CEP85: variants seen among roughly 807,000 people sequenced by gnomAD.
CEP85 encodes the protein centrosomal protein of 85 kDa.
Under a neutral mutation model 93.7 loss-of-function variants are expected in CEP85, and 58 were observed. The observed-to-expected ratio is 0.62, with a 90% CI of 0.50 to 0.77. CEP85 has a LOEUF of 0.77. Among genes scored for constraint, CEP85 ranks in the 30% least tolerant of loss-of-function variants. CEP85 has a pLI of 0.00. For missense variants in CEP85, 868 were observed against 922.0 expected, an observed-to-expected ratio of 0.94 and a Z score of 0.76; for synonymous variants, 314 against 338.6, an observed-to-expected ratio of 0.93 and a Z score of 0.80.
Position 26,262,238 on chromosome 1 carries a change from C to T in CEP85, c.1341+2436C>T, listed in dbSNP as rs904110645. On this transcript the variant is annotated intron_variant, in intron 7 of 13. Transcript: ENST00000451429. ...AGGAGAATCACTTGAACACAGGAGG[C>T]GGAGGTTGCAGTGAGCCAAGATCAC... Among the ~76,000 whole-genome samples the T allele has an allele frequency of 5.3e-5, 8 of 152,068 alleles. No individual in the cohort carries two copies. The East Asian group carries it at 5.8e-4, about 11-fold the overall frequency.
intron 2 of CEP85, 42 bp from the exon 3 acceptor site, chr1:26,244,124 C>T (rs1478668804): frequency 2.5e-6 from 4 of 1,592,994 alleles, no homozygotes; most frequent in Admixed American, 1.7e-5. Context: ...GGGGTTACAT[C>T]AGCTGGTTCA....
At chr1:26,258,366 T>C (rs556287149) in intron 6 of CEP85, 106 bp downstream of exon 6, 1 of 739,846 alleles carries the variant, frequency 1.4e-6, no homozygotes, top group African/African-American at 1.7e-5. Context: ...TCAAGTGATG[T>C]AAGTGTCCCT....
intron 7 of CEP85, 129 bp downstream of exon 7, chr1:26,259,931 A>T: frequency 4.3e-6 from 3 of 695,406 alleles, no homozygotes; most frequent in Non-Finnish European, 7.1e-6. Context: ...CTGGCTTCTC[A>T]CACAGAATCG....
At chr1:26,265,753 T>C (rs2089884242) in intron 7 of CEP85, among the ~76,000 whole-genome samples, 1 of 152,188 alleles carries the variant, frequency 6.6e-6, no homozygotes, top group Non-Finnish European at 1.5e-5. Context: ...GTCATTTATC[T>C]CCCCTGTTCA....
At chr1:26,272,788 C>T (rs968198958) in intron 11 of CEP85, among the ~76,000 whole-genome samples, 1 of 151,890 alleles carries the variant, frequency 6.6e-6, no homozygotes, top group Non-Finnish European at 1.5e-5. Flanking sequence ...ACCATCACGC[C>T]CGGCTAATTT....
Position 26,275,003 on chromosome 1 carries a change from C to T in CEP85, c.1834C>T (p.Gln612Ter), listed in dbSNP as rs1410831797. 1.3e-6 allele frequency: 2 copies of T among 1,585,512 alleles called. No individual in the cohort carries two copies. Among genetic ancestry groups the T allele is most frequent in the South Asian group, 1.2e-5 (1 of 86,368 alleles). Reference protein sequence around the residue: ...QEVAQEEGTSQALREEAQRRD... With the variant: ...QEVAQEEGTS ...AGTGGCTCAAGAAGAAGGAACAAGC[C>T]AGGCCCTGAGAGAGGAGGCCCAGCG... is the stretch of plus-strand genomic sequence containing the variant. Residue 612 changes from glutamine to a stop codon, truncating the protein, a stop_gained, in exon 12 of 14, where the codon CAG (glutamine) becomes TAG (stop). Transcript: ENST00000451429. LOFTEE classifies it high-confidence loss of function.
At chr1:26,275,124 T>G (rs748613853) in intron 12 of CEP85, 53 bp downstream of exon 12, 39 of 1,343,156 alleles carry the variant, frequency 2.9e-5, no homozygotes, top group Non-Finnish European at 3.8e-5. Flanking sequence ...CCCGATTTCT[T>G]TGTTTGCCCT....
intron 1 of CEP85, 76 bp from the exon 2 acceptor site, chr1:26,239,686 T>C: frequency 1.1e-6 from 1 of 910,748 alleles, no homozygotes; most frequent in South Asian, 1.3e-5. Flanking sequence ...TTTGACAGTT[T>C]CAGTTGAATG....
chr1:26,268,733 T>C, intron 8 of CEP85, 98 bp downstream of exon 8: 1 of 1,235,250 alleles, frequency 8.1e-7, no homozygotes, highest in Non-Finnish European at 1.1e-6. Flanking sequence ...TGTGACTTGC[T>C]GAAAGGAGAA....
At chr1:26,257,331 T>G (rs2089723023) in intron 4 of CEP85, among the ~76,000 whole-genome samples, 1 of 152,190 alleles carries the variant, frequency 6.6e-6, no homozygotes, top group African/African-American at 2.4e-5. Flanking sequence ...TAGCTCCTGG[T>G]TTGCCTCTGT....
At chr1:26,237,310 A>G (rs909201188) in intron 1 of CEP85, among the ~76,000 whole-genome samples, 1 of 152,148 alleles carries the variant, frequency 6.6e-6, no homozygotes, top group African/African-American at 2.4e-5. Context: ...CTAATCTCAG[A>G]ACATTTTGAT....
At chr1:26,243,756 T>G (rs1269509247) in intron 2 of CEP85, among the ~76,000 whole-genome samples, 1 of 152,028 alleles carries the variant, frequency 6.6e-6, no homozygotes, top group Non-Finnish European at 1.5e-5. Flanking sequence ...TCCCAGCACT[T>G]TGGGAGGCCA....
chr1:26,277,907 C>G lies in CEP85; in HGVS notation c.*614C>G, dbSNP rs1162172611. On this transcript the variant is annotated 3_prime_UTR_variant, in exon 14 of 14. Transcript: ENST00000451429. ...GGCCCTAGGGATTATAGCCAGGACT[C>G]TAATCTGCCTACCATGCCATTTAAC... is the stretch of plus-strand genomic sequence containing the variant. The G allele has an allele frequency of 6.5e-6, 1 of 152,796 alleles. No homozygotes were observed. The highest frequency in any genetic ancestry group is 1.5e-5 in the Non-Finnish European group (1 of 68,212). 9.5% of individuals were successfully genotyped at this position (152,796 alleles called of 1,614,324 possible).
intron 2 of CEP85, among the ~76,000 whole-genome samples, chr1:26,243,138 T>G (rs1200744290): frequency 2.0e-5 from 3 of 151,458 alleles, no homozygotes; most frequent in African/African-American, 7.3e-5. Flanking sequence ...CTTTTTTTTT[T>G]TTTTTTTTTC....
At chr1:26,269,419 A>C (rs781506042) in intron 8 of CEP85, 41 bp from the exon 9 acceptor site, 2 of 1,601,340 alleles carry the variant, frequency 1.2e-6, no homozygotes, top group Admixed American at 3.4e-5. Context: ...CATTTATAAC[A>C]CTTGGCTTAT....
chr1:26,259,953 C>T, intron 7 of CEP85, 151 bp downstream of exon 7: 1 of 631,222 alleles, frequency 1.6e-6, no homozygotes. Flanking sequence ...CACAGATCTC[C>T]TTTTTGCTAG....
chr1:26,244,411 C>A, intron 3 of CEP85, 93 bp downstream of exon 3: 2 of 1,140,930 alleles, frequency 1.8e-6, no homozygotes, highest in Non-Finnish European at 2.6e-6. Flanking sequence ...GTGTTATTTC[C>A]AGAATGTTCA....
At chr1:26,251,682 A>G (rs958470934) in intron 3 of CEP85, among the ~76,000 whole-genome samples, 4 of 152,184 alleles carry the variant, frequency 2.6e-5, no homozygotes, top group African/African-American at 9.7e-5. Context: ...TACATTGGCA[A>G]TTAAGTTTCC....
intron 4 of CEP85, 96 bp downstream of exon 4, chr1:26,255,961 C>T: frequency 9.3e-7 from 1 of 1,069,818 alleles, no homozygotes; most frequent in Non-Finnish European, 1.3e-6. Context: ...AAGAAAATAG[C>T]TGTAAAAAGA....
Sources: allele counts gnomAD v4.1 joint callset (sites outside exome capture counted in the v4.1 genomes callset), GRCh38; gene constraint gnomAD v4.1.1; transcripts MANE v1.5; gene names NCBI Gene and HGNC (gene_info 2026-07-23, HGNC 2026-07-21).